The following TOX2 variants were observed in gnomAD, a reference collection of about 807,000 sequenced individuals.
TOX2 encodes the protein TOX high mobility group box family member 2.
A neutral mutation model predicts 47.4 loss-of-function variants in TOX2; 15 were observed. The ratio of observed to expected loss-of-function variants is 0.32; its 90% CI spans 0.21 to 0.49. TOX2 has a LOEUF of 0.49. Ranked by LOEUF, TOX2 falls within the 20% of genes least tolerant of loss-of-function variation. TOX2 has a pLI of 0.99. For missense variants in TOX2, 622 were observed against 673.1 expected, an observed-to-expected ratio of 0.92 and a Z score of 0.84; for synonymous variants, 290 against 296.6, an observed-to-expected ratio of 0.98 and a Z score of 0.23.
At chr20:43,979,246 A>G (rs2070131543) in intron 2 of TOX2, among the ~76,000 whole-genome samples, 1 of 152,190 alleles carries the variant, frequency 6.6e-6, no homozygotes, top group Non-Finnish European at 1.5e-5. Context: ...AGCCCATGAT[A>G]TCAAAACCTT....
At chr20:44,035,105 T>C (rs777468793) in intron 3 of TOX2, among the ~76,000 whole-genome samples, 4 of 152,252 alleles carry the variant, frequency 2.6e-5, no homozygotes, top group Non-Finnish European at 4.4e-5. Flanking sequence ...GCCACTGCCA[T>C]AGACTGTACC....
chr20:43,944,092 C>T (rs541132690), intron 1 of TOX2, among the ~76,000 whole-genome samples: 23 of 152,232 alleles, frequency 1.5e-4, no homozygotes, highest in Admixed American at 6.5e-4. Context: ...CTTTGTATCG[C>T]GGTGCAAAAT....
chr20:43,991,156 C>T (rs1482340948), intron 2 of TOX2, among the ~76,000 whole-genome samples: 2 of 152,200 alleles, frequency 1.3e-5, no homozygotes, highest in African/African-American at 4.8e-5. Flanking sequence ...CAAGGTCACA[C>T]AGCCTGTCAG....
chr20:44,033,798 G>A lies in TOX2; in HGVS notation c.412-17508G>A, dbSNP rs564529630. On this transcript the variant is annotated intron_variant, in intron 3 of 8. Transcript: ENST00000341197. Reference sequence around the variant, plus strand: ...CTCATTTTGGACTTCTGACTTCCAGGAGGTGCATGTGCTGTTCTTGCTCCT... The same window carrying A: ...CTCATTTTGGACTTCTGACTTCCAGAAGGTGCATGTGCTGTTCTTGCTCCT... Among the ~76,000 whole-genome samples, 7 of 152,292 alleles carry A rather than the reference G, an allele frequency of 4.6e-5. No individual in the cohort carries two copies. The East Asian group carries it at 1.2e-3, about 25-fold the overall frequency.
chr20:43,986,020 C>T (rs890348857), intron 2 of TOX2, among the ~76,000 whole-genome samples: 1 of 152,092 alleles, frequency 6.6e-6, no homozygotes, highest in African/African-American at 2.4e-5. Flanking sequence ...CTGAAGAAAA[C>T]CTTCAGTGAA....
intron 3 of TOX2, among the ~76,000 whole-genome samples, chr20:44,015,556 C>T (rs2070865186): frequency 6.6e-6 from 1 of 152,144 alleles, no homozygotes; most frequent in African/African-American, 2.4e-5. Flanking sequence ...TTTCTTGTTG[C>T]CTAGCAACCC....
chr20:44,051,721 G>A (rs1001879781), intron 4 of TOX2, among the ~76,000 whole-genome samples, 176 bp downstream of exon 4: 6 of 152,208 alleles, frequency 3.9e-5, no homozygotes, highest in African/African-American at 9.6e-5. Context: ...TGGGATGTCC[G>A]CCACAGAGCT....
At chr20:43,931,309 T>A (rs565491137) in intron 1 of TOX2, among the ~76,000 whole-genome samples, 1 of 152,068 alleles carries the variant, frequency 6.6e-6, no homozygotes, top group Non-Finnish European at 1.5e-5. Flanking sequence ...TGATAATTTT[T>A]AAATTTTTTG....
At position 43,915,467 on chromosome 20, in the gene TOX2, C is replaced by T. The variant is rs145258430; in HGVS notation, c.99+477C>T. On this transcript the variant is annotated intron_variant, in intron 1 of 8. Coordinates refer to ENST00000341197, the MANE Select transcript of TOX2 (RefSeq NM_001098797.2). The surrounding 1 kb of genome is among the most constrained non-coding windows in gnomAD (Gnocchi z 7.1). The stretch of plus-strand genomic sequence containing the variant: ...CACCCGCTGTCACACCCAGGCACAA[C>T]GGGGGACAGTCACACAAAGAAGTCG... Among the ~76,000 whole-genome samples the T allele has an allele frequency of 1.6e-3, 237 of 152,280 alleles. 3 individuals are homozygous for T. In the Middle Eastern group the frequency reaches 0.031, roughly 20 times the overall value.
At chr20:43,945,298 T>C (rs1240636717) in intron 1 of TOX2, among the ~76,000 whole-genome samples, 1 of 152,232 alleles carries the variant, frequency 6.6e-6, no homozygotes, top group Non-Finnish European at 1.5e-5. Context: ...AATGGAACCA[T>C]GTCCTTGACT....
At chr20:43,927,014 G>A (rs978964441) in intron 1 of TOX2, among the ~76,000 whole-genome samples, 6 of 152,218 alleles carry the variant, frequency 3.9e-5, no homozygotes, top group Non-Finnish European at 5.9e-5. Flanking sequence ...TGGCTTAGAA[G>A]CCTTATTGTC....
intron 1 of TOX2, among the ~76,000 whole-genome samples, chr20:43,936,876 T>C (rs2069332879): frequency 6.6e-6 from 1 of 152,114 alleles, no homozygotes. Flanking sequence ...CAGGAGGCTA[T>C]GATTAGGATT....
rs755716363 is a variant in TOX2 at position 44,006,743 on chromosome 20, C to T, written c.362C>T (p.Ser121Phe). The T allele has an allele frequency of 6.2e-7, 1 of 1,614,098 alleles. No individual in the cohort carries two copies. The highest frequency in any genetic ancestry group is 1.1e-5 in the South Asian group (1 of 91,090). ...QAMDLPAIMVSNMLAQDSHLL... is the reference protein window; with the variant it reads ...QAMDLPAIMVFNMLAQDSHLL... ...ATGGACCTCCCAGCCATCATGGTGT[C>T]CAACATGCTAGCACAGGACAGCCAC... is the stretch of plus-strand genomic sequence containing the variant. Residue 121 changes from serine to phenylalanine, a missense_variant, in exon 3 of 9, where the codon TCC becomes TTC. Physicochemically the swap from Ser to Phe is radical, Grantham distance 155 (BLOSUM62 -2). Transcript: ENST00000341197.
intron 5 of TOX2, among the ~76,000 whole-genome samples, chr20:44,059,654 G>A (rs867522083): frequency 6.6e-6 from 1 of 152,164 alleles, no homozygotes; most frequent in South Asian, 2.1e-4. Flanking sequence ...CAAGAATTTT[G>A]TATCCAGCAA....
intron 2 of TOX2, among the ~76,000 whole-genome samples, chr20:44,001,898 C>T (rs1380733111): frequency 6.6e-6 from 1 of 152,170 alleles, no homozygotes; most frequent in East Asian, 1.9e-4. Context: ...GTGCTAGGCA[C>T]TGAGGACAAG....
chr20:43,929,741 G>A (rs769779926), intron 1 of TOX2, among the ~76,000 whole-genome samples: 6 of 151,652 alleles, frequency 4.0e-5, no homozygotes, highest in African/African-American at 7.3e-5. Context: ...ATGGAGTCTC[G>A]CTCTGTTGCC....
intron 5 of TOX2, among the ~76,000 whole-genome samples, 168 bp from the exon 6 acceptor site, chr20:44,064,609 C>A (rs2071776677): frequency 6.6e-6 from 1 of 152,200 alleles, no homozygotes; most frequent in South Asian, 2.1e-4. Flanking sequence ...TCCACAATTT[C>A]TCTGCAGCGC....
intron 2 of TOX2, among the ~76,000 whole-genome samples, chr20:43,987,912 C>CTTTTTT (rs762084312): frequency 1.6e-4 from 11 of 70,026 alleles, no homozygotes; most frequent in Non-Finnish European, 2.3e-4. Context: ...ATATCAACAT[C>CTTTTTT]TTTTTTTTTT....
intron 2 of TOX2, among the ~76,000 whole-genome samples, chr20:43,976,574 C>A (rs142217426): frequency 2.0e-5 from 3 of 152,246 alleles, no homozygotes; most frequent in East Asian, 1.9e-4. Context: ...AATATTGTGG[C>A]CTTTTTACAA....
Sources: gnomAD v4.1 joint callset for allele counts (sites outside exome capture counted in the v4.1 genomes callset) on GRCh38, gnomAD v4.1.1 for gene constraint, Gnocchi (gnomAD v3.1) non-coding constraint, MANE v1.5 for transcripts, NCBI Gene and HGNC (gene_info 2026-07-23, HGNC 2026-07-21) for gene names.